The following TTN variants were observed in gnomAD, a reference collection of about 807,000 sequenced individuals.
The protein encoded by TTN is titin, also known as connectin.
Under a neutral mutation model 3,223.0 loss-of-function variants are expected in TTN, and 1,525 were observed. The observed-to-expected ratio is 0.47, with a 90% CI of 0.45 to 0.49. The LOEUF (loss-of-function observed/expected upper bound fraction) is 0.49. TTN is among the 20% of genes least tolerant of loss of function. The pLI, the probability that TTN is intolerant of heterozygous loss-of-function variation, is 0.00. For synonymous variants in TTN, 14,094 were observed against 15,161.0 expected (o/e 0.93, Z 5.17); for missense variants, 40,786 against 43,424.0 (o/e 0.94, Z 5.40).
At position 178,548,035 on chromosome 2, in the gene TTN, G is replaced by A. The variant is rs1697919462; in HGVS notation, c.93591C>T (p.Pro31197=). 4 of 1,613,770 alleles carry A rather than the reference G, an allele frequency of 2.5e-6. No homozygotes were observed. In the East Asian group the frequency reaches 8.9e-5, roughly 36 times the overall value. The change falls in exon 339 of 363, where the codon CCC becomes CCT. Residue 31197 remains proline, a synonymous_variant. Transcript: ENST00000589042. This position sits in a 1 kb window ranked among gnomAD's most constrained non-coding sequence, Gnocchi z 4.3. ...KAKNDAGYSE[P]REAFSSVIIK... ...TGATGACAGAAGAGAAGGCTTCTCT[G>A]GGTTCACTATAGCCAGCATCATTCT... is the stretch of plus-strand genomic sequence containing the variant.
chr2:178,633,204 G>C lies in TTN; in HGVS notation c.43069C>G (p.Pro14357Ala), dbSNP rs750958593. The change falls in exon 233 of 363, where the codon CCT becomes GCT. Residue 14357 changes from proline (P) to alanine (A), a missense_variant. Transcript: ENST00000589042. ...TGACTTACAGGGGAAGCTGTCAAAG[G>C]CTGTCCTTTCAGCTTCCACTGGCCG... is the stretch of plus-strand genomic sequence containing the variant. The part of the protein sequence containing the change: ...VHGQWKLKGQ[P>A]LTASPDCEII... 3.1e-6 allele frequency: 5 copies of C among 1,612,724 alleles called. No individual in the cohort carries two copies. The highest frequency in any genetic ancestry group is 2.7e-5 in the African/African-American group (2 of 74,856).
rs534958379 is a variant in TTN at position 178,664,337 on chromosome 2, T to A, written c.36280+123A>T. The A allele has an allele frequency of 2.2e-5, 19 of 845,090 alleles. No individual in the cohort carries two copies. In the South Asian group the frequency reaches 3.1e-4, roughly 14 times the overall value. 52.3% of individuals were successfully genotyped at this position (845,090 alleles called of 1,614,324 possible). A position where few individuals can be genotyped will look rare whatever the true frequency, so the allele number is the denominator to read the frequency against. On this transcript the variant is annotated intron_variant, in intron 168 of 362. Coordinates refer to ENST00000589042, the MANE Select transcript of TTN (RefSeq NM_001267550.2). The stretch of plus-strand genomic sequence containing the variant: ...AGATATTAATACATTTACACTTGAG[T>A]TGCAAGAGTCAACACAGACATGATT...
chr2:178,679,478 AC>A (rs2154269721), intron 141 of TTN, 62 bp from the exon 142 acceptor site: 1 of 1,594,202 alleles, frequency 6.3e-7, no homozygotes, highest in African/African-American at 1.4e-5. Context: ...CATATAAAAC[AC>A]AGCTAATGTT....
At chr2:178,640,475 A>C (rs2061096603) in intron 221 of TTN, 66 bp downstream of exon 221, 3 of 1,369,176 alleles carry the variant, frequency 2.2e-6, no homozygotes, top group Non-Finnish European at 3.1e-6. Context: ...ATGTCAGTGT[A>C]ATGATATTTT....
At chr2:178,759,815 T>A (rs1164308950) in intron 43 of TTN, among the ~76,000 whole-genome samples, 2 of 152,348 alleles carry the variant, frequency 1.3e-5, no homozygotes, top group Admixed American at 1.3e-4. Context: ...GCATCTTAGA[T>A]ACATTTGACT....
intron 46 of TTN, chr2:178,753,783 ACT>A (rs951117223): frequency 6.6e-6 from 1 of 152,230 alleles, no homozygotes; most frequent in African/African-American, 2.4e-5. Flanking sequence ...CTCTCGTATC[ACT>A]CTCAGTCTTC....
In TTN at chr2:178,712,476, C is replaced by G. The variant is rs755633188; in HGVS notation, c.27446G>C (p.Gly9149Ala). ...PPISVTWKKN[G>A]INVTPSQRCN... ...CCTCTGAGAAGGAGTTACATTTATG[C>G]CATTTTTCTTCCAGGTAACCGAAAT... Residue 9149 changes from glycine to alanine, a missense_variant, in exon 95 of 363, where the codon GGC (glycine) becomes GCC (alanine). Transcript: ENST00000589042. 3.1e-6 allele frequency: 5 copies of G among 1,613,636 alleles called. No individual in the cohort carries two copies. Among genetic ancestry groups the G allele is most frequent in the Non-Finnish European group, 4.2e-6 (5 of 1,179,800 alleles).
intron 47 of TTN, chr2:178,745,782 A>G (rs768818725): frequency 6.2e-7 from 1 of 1,613,196 alleles, no homozygotes. Flanking sequence ...GGTCTTGGAG[A>G]GCCACGAACT....
rs1575614269 is a variant in TTN, at chr2:178,560,606, G to A, written c.85526C>T (p.Ser28509Phe). 1 of 1,613,390 alleles carries A rather than the reference G, an allele frequency of 6.2e-7. No homozygotes were observed. Among genetic ancestry groups the A allele is most frequent in the East Asian group, 2.2e-5 (1 of 44,744 alleles). Residue 28509 changes from serine (S) to phenylalanine (F), a missense_variant, in exon 326 of 363, where the codon TCC becomes TTC. By Grantham distance (155) the Ser-to-Phe change is radical. Coordinates refer to ENST00000589042, the MANE Select transcript of TTN (RefSeq NM_001267550.2). ...TTTGAGTAACTTGGTTACTTTACAG[G>A]ATGTCATCTGTAACTCTCCTTCACA... ...TICEGELQMT[S>F]CKVTKLLKGN...
At chr2:178,692,943 T>G (rs2072833219) in intron 119 of TTN, among the ~76,000 whole-genome samples, 3 of 152,166 alleles carry the variant, frequency 2.0e-5, no homozygotes, top group Admixed American at 2.0e-4. Flanking sequence ...GCATTAGATT[T>G]TTTTGTGTCT....
chr2:178,735,341 G>A (rs1427590611), intron 50 of TTN, among the ~76,000 whole-genome samples, 170 bp downstream of exon 50: 2 of 152,032 alleles, frequency 1.3e-5, no homozygotes, highest in Admixed American at 1.3e-4. Flanking sequence ...ACTTTGAAGA[G>A]GATTAAAAAA....
chr2:178,735,656 T>C lies in TTN; in HGVS notation c.14790A>G (p.Pro4930=), dbSNP rs200745103. ...CAAAACAGATCTTATAATCTTTCCC[T>C]GGGGGGAGTTTTTGCCCATCTTTGC... ...TWSKDGQKLP[P]GKDYKICFED... is the part of the protein sequence containing the mutation. The change falls in exon 50 of 363, where the codon CCA becomes CCG. Residue 4930 remains proline, a synonymous_variant. Transcript: ENST00000589042. The C allele has an allele frequency of 8.1e-6, 13 of 1,613,658 alleles. No homozygotes were observed. Among genetic ancestry groups the C allele is most frequent in the Non-Finnish European group, 1.1e-5 (13 of 1,179,822 alleles).
In TTN at chr2:178,620,046, CTCA is replaced by C; in HGVS notation, c.46368_46370del (p.Asp15456del). ...CTTCTACCCCGCAAGCATATTCACA[CTCA>C]TCATCCAGCCTGCAATCTTTTATAA... is the stretch of plus-strand genomic sequence containing the variant. On this transcript the variant is annotated inframe_deletion, in exon 249 of 363. Coordinates refer to ENST00000589042, the MANE Select transcript of TTN (RefSeq NM_001267550.2). The C allele has an allele frequency of 6.2e-7, 1 of 1,611,998 alleles. No homozygotes were observed. Among genetic ancestry groups the C allele is most frequent in the Non-Finnish European group, 8.5e-7 (1 of 1,178,822 alleles).
chr2:178,539,423 G>T lies in TTN; in HGVS notation c.98642C>A (p.Pro32881His). ...TGTGACTGGTTCCTCAGATTTCAAGGGTTTGCTTATGCCAAACTGGTTTTC... is the reference window on the plus strand; with the variant it reads ...TGTGACTGGTTCCTCAGATTTCAAGTGTTTGCTTATGCCAAACTGGTTTTC... The part of the protein sequence containing the change: ...SAENQFGISK[P>H]LKSEEPVTPK... Residue 32881 changes from proline to histidine, a missense_variant, in exon 352 of 363, where the codon CCC becomes CAC. Coordinates refer to ENST00000589042, the MANE Select transcript of TTN (RefSeq NM_001267550.2). 6.2e-7 allele frequency: 1 copy of T among 1,613,626 alleles called. No homozygotes were observed. Among genetic ancestry groups the T allele is most frequent in the Non-Finnish European group, 8.5e-7 (1 of 1,179,690 alleles).
At position 178,741,561 on chromosome 2, in the gene TTN, G is replaced by A. The variant is rs148164929; in HGVS notation, c.11672C>T (p.Thr3891Ile). Residue 3891 changes from threonine (T) to isoleucine (I), a missense_variant, in exon 48 of 363, where the codon ACA becomes ATA. Thr to Ile is a moderately conservative substitution (Grantham distance 89). Transcript: ENST00000589042. ...TCCATAGTCATTACTGGCCATACAT[G>A]TATACTCTCCCTCATCCTCCAATTT... ...FTKLEDEGEY[T>I]CMASNDYGKT... The A allele has an allele frequency of 2.9e-4, 470 of 1,613,798 alleles. No individual in the cohort carries two copies. The highest frequency in any genetic ancestry group is 1.9e-3 in the African/African-American group (139 of 75,014).
In TTN at chr2:178,715,016, C is replaced by A. The variant is rs756034176; in HGVS notation, c.26170G>T (p.Asp8724Tyr). 10 of 1,612,190 alleles carry A rather than the reference C, an allele frequency of 6.2e-6. No homozygotes were observed. The highest frequency in any genetic ancestry group is 4.4e-5 in the South Asian group (4 of 90,752). Residue 8724 changes from aspartate to tyrosine, a missense_variant, in exon 90 of 363, where the codon GAC becomes TAC. Physicochemically the swap from Asp to Tyr is radical, Grantham distance 160 (BLOSUM62 -3). Transcript: ENST00000589042. ...AGAGCGATGGAACCAACGCAAGTGT[C>A]GCTTCCCACATCATTTGTGGCTTTA... ...QCKATNDVGS[D>Y]TCVGSIALKA...
chr2:178,675,854 G>T (rs752960531), intron 148 of TTN, 67 bp downstream of exon 148: 20 of 1,550,134 alleles, frequency 1.3e-5, no homozygotes, highest in Admixed American at 5.8e-5. Context: ...ACGGAAACAG[G>T]ACATTTTGAC....
rs727504207 is a variant in TTN at position 178,734,360 on chromosome 2, T to C, written c.15464A>G (p.Lys5155Arg). The change falls in exon 52 of 363, where the codon AAG (lysine) becomes AGG (arginine). Residue 5155 changes from lysine to arginine, a missense_variant. Lys to Arg is a conservative substitution (Grantham distance 26, BLOSUM62 2). Coordinates refer to ENST00000589042, the MANE Select transcript of TTN (RefSeq NM_001267550.2). ...TAAGTGGGTTGCCATGCAGCCACACTTGCCGACTTCATTAGCAACAACACA... is the reference window on the plus strand; with the variant it reads ...TAAGTGGGTTGCCATGCAGCCACACCTGCCGACTTCATTAGCAACAACACA... ...YECVVANEVG[K>R]CGCMATHLLK... 1 of 1,606,876 alleles carries C rather than the reference T, an allele frequency of 6.2e-7. No homozygotes were observed. Among genetic ancestry groups the C allele is most frequent in the Non-Finnish European group, 8.5e-7 (1 of 1,175,240 alleles).
intron 10 of TTN, among the ~76,000 whole-genome samples, chr2:178,791,609 T>A (rs1365707863): frequency 6.6e-6 from 1 of 152,024 alleles, no homozygotes; most frequent in African/African-American, 2.4e-5. Flanking sequence ...GTCTGGCATA[T>A]CCTCACTTTC....
Sources: gnomAD v4.1 joint callset for allele counts (sites outside exome capture counted in the v4.1 genomes callset) on GRCh38, gnomAD v4.1.1 for gene constraint, Gnocchi (gnomAD v3.1) non-coding constraint, MANE v1.5 for transcripts, NCBI Gene and HGNC (gene_info 2026-07-23, HGNC 2026-07-21) for gene names.